LRRC4C: variants seen among roughly 807,000 people sequenced by gnomAD.
The protein encoded by LRRC4C is leucine rich repeat containing 4C.
In LRRC4C, 5 loss-of-function variants were observed where a neutral mutation model predicts 33.6. That is an observed-to-expected ratio of 0.15 (90% CI 0.08 to 0.31). The LOEUF (loss-of-function observed/expected upper bound fraction) is 0.31. LRRC4C is among the 10% of genes least tolerant of loss of function. LRRC4C has a pLI of 1.00. For synonymous variants in LRRC4C, 329 were observed against 302.0 expected (o/e 1.09, Z -0.93); for missense variants, 560 against 796.7 (o/e 0.70, Z 3.58).
At chr11:40,272,571 T>C (rs2136353055) in intron 4 of LRRC4C, among the ~76,000 whole-genome samples, 1 of 152,228 alleles carries the variant, frequency 6.6e-6, no homozygotes, top group Non-Finnish European at 1.5e-5. Flanking sequence ...TTTTGTTAGT[T>C]TGTTTTTTTC....
intron 1 of LRRC4C, among the ~76,000 whole-genome samples, chr11:41,065,150 C>A (rs1174936867): frequency 6.6e-6 from 1 of 152,176 alleles, no homozygotes; most frequent in African/African-American, 2.4e-5. Flanking sequence ...AGCTAGGAAC[C>A]ACTGGCTTGC....
At chr11:40,368,724 A>G (rs573365793) in intron 3 of LRRC4C, among the ~76,000 whole-genome samples, 1 of 152,276 alleles carries the variant, frequency 6.6e-6, no homozygotes, top group Admixed American at 6.5e-5. Context: ...ATTCTGTAAG[A>G]TGGTGTTTTG....
intron 1 of LRRC4C, among the ~76,000 whole-genome samples, chr11:41,163,145 C>T (rs185576633): frequency 8.0e-4 from 121 of 152,168 alleles, no homozygotes; most frequent in African/African-American, 2.8e-3. Flanking sequence ...TTTCACCTCC[C>T]TCCATGATTC....
chr11:40,520,924 AG>A (rs530334158), intron 3 of LRRC4C, among the ~76,000 whole-genome samples: 36 of 152,310 alleles, frequency 2.4e-4, no homozygotes, highest in Non-Finnish European at 5.0e-4. Flanking sequence ...CCAGGGATAT[AG>A]GTTATTAATA....
At chr11:40,371,941 GA>G (rs1948469223) in intron 3 of LRRC4C, among the ~76,000 whole-genome samples, 1 of 152,046 alleles carries the variant, frequency 6.6e-6, no homozygotes, top group Non-Finnish European at 1.5e-5. Context: ...GCTATGGGAT[GA>G]AAAAACATAC....
intron 1 of LRRC4C, among the ~76,000 whole-genome samples, chr11:41,061,922 T>C (rs899797851): frequency 2.8e-4 from 42 of 152,180 alleles, no homozygotes; most frequent in African/African-American, 1.0e-3. Context: ...GGGCAGCACA[T>C]AGAAAGCAGT....
chr11:41,433,296 T>C (rs1321913088), intron 1 of LRRC4C, among the ~76,000 whole-genome samples: 4 of 152,194 alleles, frequency 2.6e-5, no homozygotes, highest in African/African-American at 9.6e-5. Flanking sequence ...TTTCCCTCTA[T>C]AATTTTAATC....
chr11:40,891,795 G>C (rs970878981), intron 2 of LRRC4C, among the ~76,000 whole-genome samples: 1 of 152,136 alleles, frequency 6.6e-6, no homozygotes, highest in Admixed American at 6.5e-5. Flanking sequence ...CTCATACACT[G>C]TTGGTAGGAG....
At chr11:40,172,966 A>G (rs1860172204) in intron 5 of LRRC4C, among the ~76,000 whole-genome samples, 1 of 152,216 alleles carries the variant, frequency 6.6e-6, no homozygotes, top group South Asian at 2.1e-4. Flanking sequence ...AAAGACAGAC[A>G]TGCACAGAGG....
At chr11:41,227,681 C>T (rs371390293) in intron 1 of LRRC4C, among the ~76,000 whole-genome samples, 4 of 151,922 alleles carry the variant, frequency 2.6e-5, no homozygotes, top group South Asian at 4.1e-4. Context: ...TATTAACCTC[C>T]GAACTTTTTT....
intron 2 of LRRC4C, among the ~76,000 whole-genome samples, chr11:40,706,876 T>C (rs1946194434): frequency 6.6e-6 from 1 of 152,222 alleles, no homozygotes; most frequent in African/African-American, 2.4e-5. Flanking sequence ...GTAACCTCTC[T>C]TTTATTTCAT....
intron 3 of LRRC4C, among the ~76,000 whole-genome samples, chr11:40,380,181 G>A (rs1948811218): frequency 6.6e-6 from 1 of 152,172 alleles, no homozygotes; most frequent in African/African-American, 2.4e-5. Context: ...AATTAAACCT[G>A]AGGGAGTAGG....
At chr11:41,007,518 C>G (rs1401691697) in intron 1 of LRRC4C, among the ~76,000 whole-genome samples, 1 of 152,000 alleles carries the variant, frequency 6.6e-6, no homozygotes, top group Non-Finnish European at 1.5e-5. Context: ...AGCAATACCA[C>G]TTCTAGGAAT....
Position 40,299,455 on chromosome 11 carries a change from G to T in LRRC4C, c.-176+20173C>A, listed in dbSNP as rs111601886. On this transcript the variant is annotated intron_variant, in intron 4 of 6. Transcript: ENST00000528697. ...AGCTAGCTTGTGAAAAAGGAAAGTA[G>T]ATGAGAGAAAAGTTTAAATGAACAA... is the stretch of plus-strand genomic sequence containing the variant. 5.9e-5 allele frequency among the ~76,000 whole-genome samples: 9 copies of T among 152,310 alleles called. 3 individuals are homozygous for T. The highest frequency in any genetic ancestry group is 2.2e-4 in the African/African-American group (9 of 41,566).
At chr11:40,953,341 G>A (rs1465736040) in intron 1 of LRRC4C, among the ~76,000 whole-genome samples, 1 of 151,824 alleles carries the variant, frequency 6.6e-6, no homozygotes, top group Non-Finnish European at 1.5e-5. Context: ...TTTAGAAGGT[G>A]GGCAGTGACA....
chr11:41,434,335 A>T (rs1176578801), intron 1 of LRRC4C, among the ~76,000 whole-genome samples: 1 of 150,232 alleles, frequency 6.7e-6, no homozygotes, highest in Non-Finnish European at 1.5e-5. Context: ...TTTTCAGATA[A>T]TTTTTTTTTT....
At chr11:41,223,983 A>G (rs564032751) in intron 1 of LRRC4C, among the ~76,000 whole-genome samples, 2 of 152,274 alleles carry the variant, frequency 1.3e-5, no homozygotes, top group African/African-American at 4.8e-5. Flanking sequence ...GCTGCCCCAA[A>G]GTACAATGGA....
chr11:40,563,570 T>G (rs1957638680), intron 3 of LRRC4C, among the ~76,000 whole-genome samples: 1 of 152,166 alleles, frequency 6.6e-6, no homozygotes. Context: ...GCTTCTTCGG[T>G]ATTATTTCCT....
chr11:40,698,067 CAAAA>C (rs10713512), intron 2 of LRRC4C, among the ~76,000 whole-genome samples: 5,825 of 105,294 alleles, frequency 0.055, 391 homozygotes, highest in African/African-American at 0.17. Flanking sequence ...GACTCTGTCT[CAAAA>C]AAAAAAAAAA....
Sources: gnomAD v4.1 joint callset for allele counts (sites outside exome capture counted in the v4.1 genomes callset) on GRCh38, gnomAD v4.1.1 for gene constraint, MANE v1.5 for transcripts, NCBI Gene and HGNC (gene_info 2026-07-23, HGNC 2026-07-21) for gene names.